The following DGKH variants were observed in gnomAD, a reference collection of about 807,000 sequenced individuals.
DGKH encodes DAG kinase eta.
A neutral mutation model predicts 159.3 loss-of-function variants in DGKH; 90 were observed. The ratio of observed to expected loss-of-function variants is 0.57; its 90% CI spans 0.48 to 0.67. The LOEUF (loss-of-function observed/expected upper bound fraction) is 0.67, where lower values mean the gene tolerates loss of function less well. Ranked by LOEUF, DGKH falls within the 30% of genes least tolerant of loss-of-function variation. The pLI is 0.00. For missense variants in DGKH, 1,181 were observed against 1,506.1 expected (o/e 0.78, Z 3.57); for synonymous variants, 536 against 553.8 (o/e 0.97, Z 0.45).
Position 42,209,312 on chromosome 13 carries a change from A to G in DGKH, c.2716-19A>G, listed in dbSNP as rs372955262. ...TTCTCTGGATGATTTGTACTCTAAA[A>G]TGATTTGTTTTATTTCAGTGCCGTA... On this transcript the variant is annotated intron_variant, in intron 22 of 29. Transcript: ENST00000337343. 3.6e-5 allele frequency: 57 copies of G among 1,597,510 alleles called. No homozygotes were observed. The highest frequency in any genetic ancestry group is 4.6e-5 in the Non-Finnish European group (54 of 1,174,566).
At chr13:42,113,876 T>G (rs966898545) in intron 1 of DGKH, among the ~76,000 whole-genome samples, 1 of 152,138 alleles carries the variant, frequency 6.6e-6, no homozygotes. Context: ...TTGAATATAT[T>G]GTGGTGAAGA....
At chr13:42,047,256 C>T (rs1285328706), upstream of DGKH, among the ~76,000 whole-genome samples, 1 of 152,084 alleles carries the variant, frequency 6.6e-6, no homozygotes, top group Non-Finnish European at 1.5e-5. Flanking sequence ...GGATTGCATA[C>T]TATTTCTTAA....
At chr13:42,094,217 G>A (rs1378697987) in intron 1 of DGKH, among the ~76,000 whole-genome samples, 2 of 152,070 alleles carry the variant, frequency 1.3e-5, no homozygotes, top group Admixed American at 6.5e-5. Context: ...ATGTATACAT[G>A]TGTAACAAAC....
chr13:42,159,239 T>C (rs1956114626), intron 5 of DGKH, 27 bp from the exon 6 acceptor site: 1 of 919,900 alleles, frequency 1.1e-6, no homozygotes, highest in African/African-American at 1.8e-5. Flanking sequence ...TTAAAAGCAG[T>C]TGCTCTTTTT....
At chr13:42,087,083 A>ACACACACACACACACC (rs1301819914) in intron 1 of DGKH, among the ~76,000 whole-genome samples, 1 of 143,846 alleles carries the variant, frequency 7.0e-6, no homozygotes, top group Non-Finnish European at 1.5e-5. Flanking sequence ...ACACACACAC[A>ACACACACACACACACC]CCTCAGAACA....
chr13:42,163,620 G>C (rs2137994551), intron 7 of DGKH, among the ~76,000 whole-genome samples: 1 of 152,308 alleles, frequency 6.6e-6, no homozygotes, highest in East Asian at 1.9e-4. Context: ...CAGTGATAGT[G>C]AGCATTTTTT....
At chr13:42,135,507 A>AAGAG (rs1555264252) in intron 3 of DGKH, among the ~76,000 whole-genome samples, 1 of 113,394 alleles carries the variant, frequency 8.8e-6, no homozygotes, top group African/African-American at 2.8e-5. Context: ...AAAAAAAAAA[A>AAGAG]AGAGAGAGAG....
At chr13:42,138,095 A>G in intron 3 of DGKH, 1 of 985,438 alleles carries the variant, frequency 1.0e-6, no homozygotes, top group Non-Finnish European at 1.2e-6. Flanking sequence ...GGGGCCTTCA[A>G]GAAGAGAGTT....
intron 1 of DGKH, chr13:42,066,757 A>AT (rs1318950638): frequency 5.9e-5 from 9 of 152,106 alleles, no homozygotes; most frequent in African/African-American, 2.2e-4. Flanking sequence ...TTTGTTGATG[A>AT]TCTCACTGTT....
At chr13:42,202,665 T>A (rs1049145534) in intron 20 of DGKH, among the ~76,000 whole-genome samples, 2 of 152,222 alleles carry the variant, frequency 1.3e-5, no homozygotes, top group Non-Finnish European at 2.9e-5. Context: ...TTATCAGTGA[T>A]TCTGATATAT....
At chr13:42,242,985 A>G (rs568602111), downstream of DGKH, 1 of 152,290 alleles carries the variant, frequency 6.6e-6, no homozygotes, top group South Asian at 2.1e-4. Context: ...ATGCAGTTGT[A>G]AAAAATAATG....
chr13:42,170,942 C>CA (rs5803114), intron 11 of DGKH, among the ~76,000 whole-genome samples: 10,246 of 135,996 alleles, frequency 0.075, 438 homozygotes, highest in African/African-American at 0.099. Flanking sequence ...GACTCTGTCT[C>CA]AAAAAAAAAA....
intron 30 of DGKH, among the ~76,000 whole-genome samples, chr13:42,254,423 G>A (rs1340431529): frequency 6.6e-6 from 1 of 152,122 alleles, no homozygotes; most frequent in African/African-American, 2.4e-5. Context: ...CCTGAGGTCA[G>A]GAGTTCAAGA....
chr13:42,044,437 G>A (rs137961673), upstream of DGKH, among the ~76,000 whole-genome samples: 1,656 of 152,086 alleles, frequency 0.011, 24 homozygotes, highest in African/African-American at 0.035. Context: ...TTACAGGCGC[G>A]TGCCACCATG....
chr13:42,048,663 G>A lies in DGKH; in HGVS notation c.-111G>A. ...GGGGTAGCTAGGGAAACGGAAGATG[G>A]CGGCGGCGGCCGGGCACGGGGTTCC... On this transcript the variant is annotated 5_prime_UTR_variant, in exon 1 of 30. Coordinates refer to ENST00000337343, the MANE Select transcript of DGKH (RefSeq NM_178009.5). The surrounding 1 kb of genome is among the most constrained non-coding windows in gnomAD (Gnocchi z 6.7). 5.9e-6 allele frequency: 7 copies of A among 1,185,872 alleles called. No individual in the cohort carries two copies. Among genetic ancestry groups the A allele is most frequent in the Non-Finnish European group, 7.4e-6 (7 of 950,760 alleles). The allele number at this position is 1,185,872 out of a possible 1,614,324, so 73.5% of individuals were successfully genotyped here. A position where few individuals can be genotyped will look rare whatever the true frequency, so the allele number is the denominator to read the frequency against.
chr13:42,220,945 T>C (rs568999509), intron 28 of DGKH, among the ~76,000 whole-genome samples: 2 of 152,342 alleles, frequency 1.3e-5, no homozygotes, highest in East Asian at 3.9e-4. Flanking sequence ...ATTTAGAGCT[T>C]GCACCATTGA....
At chr13:42,221,481 G>A (rs566921534) in intron 29 of DGKH, 87 bp downstream of exon 29, 22 of 1,541,840 alleles carry the variant, frequency 1.4e-5, no homozygotes, top group Non-Finnish European at 1.8e-5. Flanking sequence ...CTTGCTTTTA[G>A]CTTCGCTTAT....
chr13:42,159,908 G>A (rs527428830), intron 6 of DGKH, 103 bp from the exon 7 acceptor site: 15 of 1,542,314 alleles, frequency 9.7e-6, no homozygotes, highest in African/African-American at 5.4e-5. Context: ...TGCATGAAAC[G>A]TACTACTGAC....
intron 1 of DGKH, among the ~76,000 whole-genome samples, chr13:42,062,950 A>G (rs776030427): frequency 2.6e-5 from 4 of 152,136 alleles, no homozygotes; most frequent in Admixed American, 6.6e-5. Context: ...GTTCTTAGCT[A>G]TTATGGGAAG....
Sources: allele counts gnomAD v4.1 joint callset (sites outside exome capture counted in the v4.1 genomes callset), GRCh38; gene constraint gnomAD v4.1.1; non-coding constraint Gnocchi (gnomAD v3.1); transcripts MANE v1.5; gene names NCBI Gene and HGNC (gene_info 2026-07-23, HGNC 2026-07-21).